The following CHD5 variants were observed in gnomAD, a reference collection of about 807,000 sequenced individuals.
The protein encoded by CHD5 is ATP-dependent chromatin remodeler CHD5.
A neutral mutation model predicts 230.3 loss-of-function variants in CHD5; 69 were observed. The observed-to-expected ratio is 0.30, with a 90% CI of 0.25 to 0.37. CHD5 has a LOEUF of 0.37. Among genes scored for constraint, CHD5 ranks in the 10% least tolerant of loss-of-function variants. The pLI is 1.00. For synonymous variants in CHD5, 1,064 were observed against 1,065.9 expected (o/e 1.00, Z 0.03); for missense variants, 1,827 against 2,622.8 (o/e 0.70, Z 6.63).
At chr1:6,112,746 T>C (rs1250883052) in intron 34 of CHD5, among the ~76,000 whole-genome samples, 163 bp downstream of exon 34, 4 of 152,140 alleles carry the variant, frequency 2.6e-5, no homozygotes, top group Admixed American at 2.6e-4. Context: ...TCCCCGGCAT[T>C]GGCTGTGAGG....
Position 6,112,912 on chromosome 1 carries a change from GC to G in CHD5, c.4998del (p.Arg1666SerfsTer84). ...IHSRGDSSEL[R>X]PDDTKAEEKE... ...AGAACACAGAAGAGCCCCAGACCTG[GC>G]CTGAGTTCGGAACTGTCCCCTCTGC... On this transcript the variant is annotated frameshift_variant, in exon 34 of 42. Transcript: ENST00000262450. LOFTEE classifies it high-confidence loss of function. The G allele has an allele frequency of 6.2e-7, 1 of 1,612,142 alleles. No individual in the cohort carries two copies. The highest frequency in any genetic ancestry group is 2.2e-5 in the East Asian group (1 of 44,870).
At position 6,106,444 on chromosome 1, in the gene CHD5, C is replaced by T. The variant is rs1441065883; in HGVS notation, c.5808G>A (p.Pro1936=). ...NFGPNFRGPG[P]GGIVNYNQMP... ...TCTGGTTGTAGTTGACAATCCCTCC[C>T]GGTCCAGGGCCCCGGAAGTTGGGCC... The change falls in exon 40 of 42, where the codon CCG becomes CCA. Residue 1936 remains proline, a synonymous_variant. Coordinates refer to ENST00000262450, the MANE Select transcript of CHD5 (RefSeq NM_015557.3). 8 of 1,572,380 alleles carry T rather than the reference C, an allele frequency of 5.1e-6. No individual in the cohort carries two copies. Among genetic ancestry groups the T allele is most frequent in the Middle Eastern group, 1.7e-4 (1 of 6,010 alleles).
In CHD5 at chr1:6,126,966, T is replaced by A; in HGVS notation, c.3904-220A>T. The A allele has an allele frequency of 1.7e-6, 1 of 582,600 alleles. No individual in the cohort carries two copies. The highest frequency in any genetic ancestry group is 2.1e-5 in the South Asian group (1 of 48,394). The allele number at this position is 582,600 out of a possible 1,614,324, so 36.1% of individuals were successfully genotyped here. A position where few individuals can be genotyped will look rare whatever the true frequency, so the allele number is the denominator to read the frequency against. On this transcript the variant is annotated intron_variant, in intron 25 of 41. Transcript: ENST00000262450. This position sits in a 1 kb window ranked among gnomAD's most constrained non-coding sequence, Gnocchi z 5.7. ...ATCATTTACTTATTCATCCATCCAT[T>A]CACAAAGCAAGTATTTCCTCGCCTC...
intron 7 of CHD5, among the ~76,000 whole-genome samples, chr1:6,149,931 G>A (rs910153201): frequency 6.6e-6 from 1 of 150,560 alleles, no homozygotes; most frequent in Non-Finnish European, 1.5e-5. Context: ...AAGAATGGAT[G>A]GATATATGGA....
intron 3 of CHD5, among the ~76,000 whole-genome samples, chr1:6,158,999 T>C (rs1221283164): frequency 5.5e-5 from 4 of 72,540 alleles, no homozygotes; most frequent in South Asian, 6.7e-4. Flanking sequence ...AGAGCGAGAC[T>C]CCGTCTCAAA....
chr1:6,137,974 G>A (rs571187579), intron 15 of CHD5, among the ~76,000 whole-genome samples: 1 of 152,276 alleles, frequency 6.6e-6, no homozygotes, highest in South Asian at 2.1e-4. Flanking sequence ...TGGGGAGGGG[G>A]AGCCAGGCAC....
intron 1 of CHD5, among the ~76,000 whole-genome samples, chr1:6,175,723 T>C (rs1013787814): frequency 2.7e-5 from 4 of 145,764 alleles, no homozygotes; most frequent in African/African-American, 1.0e-4. Flanking sequence ...GACGGACGGA[T>C]GGATATACAT....
intron 17 of CHD5, 152 bp from the exon 18 acceptor site, chr1:6,135,555 G>C: frequency 1.5e-6 from 1 of 660,146 alleles, no homozygotes; most frequent in Non-Finnish European, 2.6e-6. Flanking sequence ...GTCTAAGCCT[G>C]TGTCACCTCC....
intron 33 of CHD5, among the ~76,000 whole-genome samples, chr1:6,119,633 T>C (rs1303945237): frequency 6.6e-6 from 1 of 151,830 alleles, no homozygotes; most frequent in Non-Finnish European, 1.5e-5. Flanking sequence ...GCAAACCAAA[T>C]ACTAGTAAAG....
At chr1:6,122,284 C>T (rs1415744833) in intron 31 of CHD5, among the ~76,000 whole-genome samples, 2 of 152,220 alleles carry the variant, frequency 1.3e-5, no homozygotes, top group Non-Finnish European at 2.9e-5. Context: ...AAATAAATAC[C>T]TAGATCACCA....
Position 6,125,887 on chromosome 1 carries a change from A to G in CHD5, c.4079-29T>C. On this transcript the variant is annotated intron_variant, in intron 26 of 41. Coordinates refer to ENST00000262450, the MANE Select transcript of CHD5 (RefSeq NM_015557.3). The surrounding 1 kb of genome is among the most constrained non-coding windows in gnomAD (Gnocchi z 6.7). ...CAGGGGGCCAGACAGAGGGGCACGGAGTGAGCTGTACAAGCAAAGCCCACC... is the reference window on the plus strand; with the variant it reads ...CAGGGGGCCAGACAGAGGGGCACGGGGTGAGCTGTACAAGCAAAGCCCACC... 2 of 1,559,742 alleles carry G rather than the reference A, an allele frequency of 1.3e-6. No individual in the cohort carries two copies. Among genetic ancestry groups the G allele is most frequent in the Non-Finnish European group, 1.8e-6 (2 of 1,135,806 alleles).
At chr1:6,122,977 G>A (rs896352589) in intron 31 of CHD5, among the ~76,000 whole-genome samples, 2 of 151,940 alleles carry the variant, frequency 1.3e-5, no homozygotes, top group Admixed American at 6.6e-5. Flanking sequence ...AGCTGAGGCA[G>A]GATCGCTTGA....
At chr1:6,123,886 T>C (rs779169998) in intron 31 of CHD5, 62 bp downstream of exon 31, 3 of 1,268,608 alleles carry the variant, frequency 2.4e-6, no homozygotes, top group Non-Finnish European at 3.1e-6. Context: ...GACTAGGGGT[T>C]TCTGTGACCT....
In CHD5 at chr1:6,159,342, G is replaced by A. The variant is rs1187426066; in HGVS notation, c.381C>T (p.Cys127=). ...GCCAGGCCTCCACAGTTACCTTTAAGCATCCATCATCATTATCATCCTCAT... is the reference window on the plus strand; with the variant it reads ...GCCAGGCCTCCACAGTTACCTTTAAACATCCATCATCATTATCATCCTCAT... ...DEDEDDNDDG[C]LKEPKSSGQL... Residue 127 remains cysteine, a synonymous_variant, in exon 3 of 42, where the codon TGC becomes TGT. Transcript: ENST00000262450. 5.8e-6 allele frequency: 9 copies of A among 1,551,502 alleles called. No individual in the cohort carries two copies. The highest frequency in any genetic ancestry group is 8.7e-7 in the Non-Finnish European group (1 of 1,146,980).
At chr1:6,178,590 T>G (rs906247101) in intron 1 of CHD5, among the ~76,000 whole-genome samples, 1 of 151,996 alleles carries the variant, frequency 6.6e-6, no homozygotes, top group Non-Finnish European at 1.5e-5. Flanking sequence ...ACCCAGGATA[T>G]GACAGTCAAC....
chr1:6,146,928 G>T lies in CHD5; in HGVS notation c.1384-57C>A, dbSNP rs1178204749. 7.4e-6 allele frequency: 10 copies of T among 1,348,066 alleles called. No homozygotes were observed. Among genetic ancestry groups the T allele is most frequent in the African/African-American group, 1.5e-5 (1 of 67,690 alleles). The allele number at this position is 1,348,066 out of a possible 1,614,324, so 83.5% of individuals were successfully genotyped here. ...CTCAGCTGCAGGGCCCCACCCTGAG[G>T]CTCCCATGACAGCAGGCTGCCATGC... On this transcript the variant is annotated intron_variant, in intron 9 of 41. Coordinates refer to ENST00000262450, the MANE Select transcript of CHD5 (RefSeq NM_015557.3). The surrounding 1 kb of genome is among the most constrained non-coding windows in gnomAD (Gnocchi z 5.1).
rs545182922 is a variant in CHD5 at position 6,146,788 on chromosome 1, C to T, written c.1467G>A (p.Pro489=). 1.0e-5 allele frequency: 16 copies of T among 1,596,504 alleles called. No homozygotes were observed. Among genetic ancestry groups the T allele is most frequent in the East Asian group, 4.5e-5 (2 of 44,584 alleles). The change falls in exon 10 of 42, where the codon CCG becomes CCA. Residue 489 remains proline (P), a synonymous_variant. Coordinates refer to ENST00000262450, the MANE Select transcript of CHD5 (RefSeq NM_015557.3). This position sits in a 1 kb window ranked among gnomAD's most constrained non-coding sequence, Gnocchi z 5.1. ...EPPAPFMVGL[P]GPDVEPSLPP... is the part of the protein sequence containing the mutation. ...GGAGGCTGGGCTCCACGTCAGGCCCCGGCAGCCCCACCATGAAGGGGGCAG... is the reference window on the plus strand; with the variant it reads ...GGAGGCTGGGCTCCACGTCAGGCCCTGGCAGCCCCACCATGAAGGGGGCAG...
In CHD5 at chr1:6,106,739, G is replaced by A. The variant is rs200068048; in HGVS notation, c.5619C>T (p.Ala1873=). 4.8e-5 allele frequency: 77 copies of A among 1,611,706 alleles called. No individual in the cohort carries two copies. The highest frequency in any genetic ancestry group is 1.3e-4 in the East Asian group (6 of 44,820). The part of the protein sequence containing the change: ...QLEELLSDMK[A]DVTRLPSMLS... Reference sequence around the variant, plus strand: ...GCATGGATGGCAGCCGGGTCACGTCGGCCTTCATGTCGCTCAGCAGCTCCT... The same window carrying A: ...GCATGGATGGCAGCCGGGTCACGTCAGCCTTCATGTCGCTCAGCAGCTCCT... The change falls in exon 39 of 42, where the codon GCC becomes GCT. Residue 1873 remains alanine, a synonymous_variant. Coordinates refer to ENST00000262450, the MANE Select transcript of CHD5 (RefSeq NM_015557.3).
rs779913774 is a variant in CHD5 at position 6,124,174 on chromosome 1, G to T, written c.4540-67C>A. 759 of 1,434,248 alleles carry T rather than the reference G, an allele frequency of 5.3e-4. 1 individual carries two copies. Among genetic ancestry groups the T allele is most frequent in the Non-Finnish European group, 6.9e-4 (722 of 1,040,384 alleles). 88.8% of individuals were successfully genotyped at this position (1,434,248 alleles called of 1,614,324 possible). A position where few individuals can be genotyped will look rare whatever the true frequency, so the allele number is the denominator to read the frequency against. On this transcript the variant is annotated intron_variant, in intron 30 of 41. Coordinates refer to ENST00000262450, the MANE Select transcript of CHD5 (RefSeq NM_015557.3). ...CAGTGGTGGCAACTCAGCCCTAAGG[G>T]CCTCAGGGCAGCCAGGGGGGCTGAA...
Sources: gnomAD v4.1 joint callset for allele counts (sites outside exome capture counted in the v4.1 genomes callset) on GRCh38, gnomAD v4.1.1 for gene constraint, Gnocchi (gnomAD v3.1) non-coding constraint, MANE v1.5 for transcripts, NCBI Gene and HGNC (gene_info 2026-07-23, HGNC 2026-07-21) for gene names.